Variants in TRPC3 observed in about 807,000 individuals in gnomAD.
TRPC3 encodes the protein short transient receptor potential channel 3.
Under a neutral mutation model 90.9 loss-of-function variants are expected in TRPC3, and 54 were observed. The observed-to-expected ratio is 0.59, with a 90% CI of 0.48 to 0.75. The LOEUF is 0.75. Among genes scored for constraint, TRPC3 ranks in the 30% least tolerant of loss-of-function variants. The pLI is 0.00. For missense variants in TRPC3, 918 were observed against 1,194.5 expected (o/e 0.77, Z 3.41); for synonymous variants, 424 against 450.9 (o/e 0.94, Z 0.75).
chr4:121,910,316 C>T lies in TRPC3; in HGVS notation c.1630G>A (p.Val544Met). The T allele has an allele frequency of 6.2e-7, 1 of 1,613,864 alleles. No homozygotes were observed. The highest frequency in any genetic ancestry group is 2.2e-5 in the East Asian group (1 of 44,878). Residue 544 changes from valine (V) to methionine (M), a missense_variant, in exon 6 of 12, where the codon GTG (valine) becomes ATG (methionine). Physicochemically the swap from Val to Met is conservative, Grantham distance 21 (BLOSUM62 1). Around this residue, in one of 4 missense-constraint regions of TRPC3, gnomAD observed 147 missense variants for 263.5 expected, o/e 0.56. Coordinates refer to ENST00000379645, the MANE Select transcript of TRPC3 (RefSeq NM_001130698.2). ...PREYILQLWN[V>M]LDFGMLSIFI... ...ATGGACAGCATCCCAAAGTCAAGCA[C>T]ATTCCACAACTGCAAAATGTATTCC...
At chr4:121,941,064 C>A (rs1021274689) in intron 1 of TRPC3, among the ~76,000 whole-genome samples, 5 of 152,082 alleles carry the variant, frequency 3.3e-5, no homozygotes, top group African/African-American at 1.2e-4. Flanking sequence ...CATGATGCTG[C>A]TAGGGAATAA....
intron 2 of TRPC3, among the ~76,000 whole-genome samples, chr4:121,931,064 AG>A (rs1729901618): frequency 6.6e-6 from 1 of 152,168 alleles, no homozygotes; most frequent in Non-Finnish European, 1.5e-5. Context: ...GGACAAAATG[AG>A]CATTGATGGA....
chr4:121,884,058 G>A (rs1728029267), intron 10 of TRPC3, among the ~76,000 whole-genome samples: 1 of 152,078 alleles, frequency 6.6e-6, no homozygotes, highest in Non-Finnish European at 1.5e-5. Flanking sequence ...TAGACAAATT[G>A]CAGTATTTTC....
chr4:121,928,916 A>G (rs1342678975), intron 2 of TRPC3, among the ~76,000 whole-genome samples: 10 of 152,236 alleles, frequency 6.6e-5, no homozygotes, highest in African/African-American at 2.4e-4. Context: ...GCAAGTTATC[A>G]TACTGATTAA....
intron 3 of TRPC3, among the ~76,000 whole-genome samples, chr4:121,917,101 C>T (rs1430884257): frequency 2.0e-5 from 3 of 152,150 alleles, no homozygotes; most frequent in African/African-American, 4.8e-5. Flanking sequence ...TTTTATCATG[C>T]GAGTTCCTTT....
At chr4:121,940,886 T>C (rs1399581846) in intron 1 of TRPC3, among the ~76,000 whole-genome samples, 1 of 152,196 alleles carries the variant, frequency 6.6e-6, no homozygotes, top group Non-Finnish European at 1.5e-5. Context: ...ATTCTTGACA[T>C]ATTATCTCTA....
chr4:121,897,453 C>CAAAAA (rs70950860), intron 10 of TRPC3, among the ~76,000 whole-genome samples: 53 of 43,418 alleles, frequency 1.2e-3, no homozygotes, highest in Non-Finnish European at 1.7e-3. Context: ...ATCTCAACAG[C>CAAAAA]AAAAAAAAAA....
intron 10 of TRPC3, among the ~76,000 whole-genome samples, chr4:121,898,162 G>A (rs1254716639): frequency 6.6e-6 from 1 of 152,164 alleles, no homozygotes; most frequent in Non-Finnish European, 1.5e-5. Flanking sequence ...ACTGGGAAGG[G>A]TAAGGGGTAG....
intron 10 of TRPC3, among the ~76,000 whole-genome samples, chr4:121,893,121 A>C (rs1016466890): frequency 3.5e-4 from 14 of 39,980 alleles, no homozygotes; most frequent in African/African-American, 1.2e-3. Context: ...ACTCTGTCAC[A>C]AAAAAAAAAA....
In TRPC3 at chr4:121,907,412, TGTCCTTTACA is replaced by T. The variant is rs1384501360; in HGVS notation, c.1938_1947del (p.Val647TyrfsTer16). 2 of 1,613,468 alleles carry T rather than the reference TGTCCTTTACA, an allele frequency of 1.2e-6. No individual in the cohort carries two copies. Among genetic ancestry groups the T allele is most frequent in the East Asian group, 4.5e-5 (2 of 44,874 alleles). ...ATAAAGAGGACCATGAACTTGAATA[TGTCCTTTACA>T]GTCCTTCCAAGAGAGATCTGCAGGG... On this transcript the variant is annotated frameshift_variant, in exon 7 of 12. Coordinates refer to ENST00000379645, the MANE Select transcript of TRPC3 (RefSeq NM_001130698.2). LOFTEE classifies it high-confidence loss of function.
rs1727826224 is a variant in TRPC3, at chr4:121,878,315, T to C, written c.*1421A>G. 1.3e-5 allele frequency among the ~76,000 whole-genome samples: 2 copies of C among 152,254 alleles called. No individual in the cohort carries two copies. The highest frequency in any genetic ancestry group is 1.3e-4 in the Admixed American group (2 of 15,278). On this transcript the variant is annotated 3_prime_UTR_variant, in exon 12 of 12. Transcript: ENST00000379645. ...GTTCCATTTAACACTTATTTCTGTC[T>C]TCATGTCTAAAGAGCTTTTCTGCAT...
At chr4:121,879,901 T>A in intron 11 of TRPC3, 23 bp from the exon 12 acceptor site, 1 of 1,515,198 alleles carries the variant, frequency 6.6e-7, no homozygotes. Flanking sequence ...TATTAAAAAA[T>A]TATTGGTAAG....
intron 5 of TRPC3, among the ~76,000 whole-genome samples, chr4:121,910,590 C>G (rs1729045195): frequency 6.6e-6 from 1 of 152,122 alleles, no homozygotes; most frequent in African/African-American, 2.4e-5. Context: ...GAAAATAATT[C>G]ACCCCACCAC....
At chr4:121,942,533 C>T (rs1336120929) in intron 1 of TRPC3, among the ~76,000 whole-genome samples, 1 of 152,222 alleles carries the variant, frequency 6.6e-6, no homozygotes, top group Non-Finnish European at 1.5e-5. Flanking sequence ...TGCGCTGCTG[C>T]ACTCCAGCCT....
At chr4:121,945,761 C>T (rs1730465286) in intron 1 of TRPC3, among the ~76,000 whole-genome samples, 1 of 152,072 alleles carries the variant, frequency 6.6e-6, no homozygotes, top group Non-Finnish European at 1.5e-5. Context: ...AACAGAAATG[C>T]TCTAGACGTG....
In TRPC3 at chr4:121,907,571, GAA is replaced by G. The variant is rs767852687; in HGVS notation, c.1793-6_1793-5del. The G allele has an allele frequency of 6.3e-7, 1 of 1,587,088 alleles. No homozygotes were observed. Among genetic ancestry groups the G allele is most frequent in the South Asian group, 1.2e-5 (1 of 86,270 alleles). ...GAAGGGAGCCATTTATCTCTAGCTA[GAA>G]AAAAGAGAGAAAGAGATTAAAAATG... is the stretch of plus-strand genomic sequence containing the variant. On this transcript the variant is annotated splice_region_variant and splice_polypyrimidine_tract_variant and intron_variant, in intron 6 of 11. Coordinates refer to ENST00000379645, the MANE Select transcript of TRPC3 (RefSeq NM_001130698.2).
chr4:121,912,302 T>C (rs1729138013), intron 4 of TRPC3, among the ~76,000 whole-genome samples: 2 of 152,330 alleles, frequency 1.3e-5, no homozygotes. Flanking sequence ...ATTCATTGTT[T>C]CTAAATGTCC....
At chr4:121,909,587 T>C (rs561993468) in intron 6 of TRPC3, among the ~76,000 whole-genome samples, 21 of 152,204 alleles carry the variant, frequency 1.4e-4, no homozygotes, top group African/African-American at 2.4e-4. Context: ...CTTCATAATA[T>C]AGAGATATTT....
At chr4:121,938,623 G>A (rs770170444) in intron 1 of TRPC3, among the ~76,000 whole-genome samples, 3 of 152,144 alleles carry the variant, frequency 2.0e-5, no homozygotes, top group African/African-American at 4.8e-5. Context: ...CACGAAGCAG[G>A]TATAATTTTC....
Sources: allele counts gnomAD v4.1 joint callset (sites outside exome capture counted in the v4.1 genomes callset), GRCh38; gene constraint gnomAD v4.1.1; regional missense constraint gnomAD v4.1.1; transcripts MANE v1.5; gene names NCBI Gene and HGNC (gene_info 2026-07-23, HGNC 2026-07-21).